The following SYNPR variants were observed in gnomAD, a reference collection of about 807,000 sequenced individuals.
The protein encoded by SYNPR is synaptoporin.
In SYNPR, 23 loss-of-function variants were observed where a neutral mutation model predicts 32.9. That is an observed-to-expected ratio of 0.70 (90% CI 0.50 to 0.99). The LOEUF is 0.99. SYNPR is among the 50% of genes least tolerant of loss of function. The pLI is 0.00. For missense variants in SYNPR, 318 were observed against 349.3 expected (o/e 0.91, Z 0.71); for synonymous variants, 146 against 135.9 (o/e 1.07, Z -0.52).
At chr3:63,202,893 G>C in the SYNPR span, among the ~76,000 whole-genome samples, 1 of 151,834 alleles carries the variant, frequency 6.6e-6, no homozygotes, top group Admixed American at 6.6e-5. Flanking sequence ...GGGTTTCTTG[G>C]AACACAGTTT....
intron 4 of SYNPR, among the ~76,000 whole-genome samples, chr3:63,585,456 C>CT (rs1553649474): frequency 9.6e-6 from 1 of 104,656 alleles, no homozygotes; most frequent in Non-Finnish European, 2.1e-5. Flanking sequence ...CATGCCCCCC[C>CT]CCTCCGCCCC....
chr3:63,443,315 C>A, intron 2 of SYNPR: 1 of 1,494,748 alleles, frequency 6.7e-7, no homozygotes, highest in Non-Finnish European at 8.9e-7. Flanking sequence ...TGATTTTCTT[C>A]TTCTCCTCCT....
chr3:63,417,928 C>T (rs566341002), intron 2 of SYNPR, among the ~76,000 whole-genome samples: 2 of 152,336 alleles, frequency 1.3e-5, no homozygotes, highest in African/African-American at 2.4e-5. Flanking sequence ...CTCTGACATA[C>T]TCTGGAGACA....
chr3:63,607,942 T>C (rs955328239), intron 4 of SYNPR, among the ~76,000 whole-genome samples: 7 of 152,234 alleles, frequency 4.6e-5, no homozygotes, highest in African/African-American at 1.2e-4. Context: ...AAGAAACACA[T>C]GCCAAATTTT....
At chr3:63,224,794 C>T (rs558231351), upstream of SYNPR, among the ~76,000 whole-genome samples, 4 of 152,312 alleles carry the variant, frequency 2.6e-5, no homozygotes, top group Admixed American at 2.6e-4. Context: ...GGCTGTCATG[C>T]CCTCCTCAGG....
intron 2 of SYNPR, among the ~76,000 whole-genome samples, chr3:63,320,957 T>G (rs939651166): frequency 6.6e-6 from 1 of 152,080 alleles, no homozygotes; most frequent in Non-Finnish European, 1.5e-5. Flanking sequence ...TGTCAATCTA[T>G]TAATTTTTGA....
At chr3:63,385,263 T>C (rs1252013698) in intron 2 of SYNPR, among the ~76,000 whole-genome samples, 1 of 152,236 alleles carries the variant, frequency 6.6e-6, no homozygotes, top group Non-Finnish European at 1.5e-5. Context: ...CCTCTTCTCC[T>C]TCCCGCCCTG....
At chr3:63,504,956 T>A (rs547388480) in intron 3 of SYNPR, among the ~76,000 whole-genome samples, 1 of 152,112 alleles carries the variant, frequency 6.6e-6, no homozygotes, top group African/African-American at 2.4e-5. Flanking sequence ...ATTTCTGAGA[T>A]GACTGAGAAA....
intron 4 of SYNPR, among the ~76,000 whole-genome samples, chr3:63,598,815 G>T (rs1247240607): frequency 1.3e-5 from 2 of 152,106 alleles, no homozygotes; most frequent in East Asian, 1.9e-4. Flanking sequence ...GTCTTCAAAG[G>T]CCTAATGTAT....
chr3:63,323,547 AT>A (rs199657935), intron 2 of SYNPR, among the ~76,000 whole-genome samples: 15 of 151,340 alleles, frequency 9.9e-5, no homozygotes, highest in African/African-American at 2.7e-4. Flanking sequence ...TCCCCAAATA[AT>A]TTTTTTTTGG....
intron 1 of SYNPR, among the ~76,000 whole-genome samples, chr3:63,247,539 C>G (rs770002310): frequency 6.6e-6 from 1 of 152,074 alleles, no homozygotes; most frequent in Non-Finnish European, 1.5e-5. Context: ...GTGTGCTGAG[C>G]TGGGCAAGGC....
chr3:63,402,263 C>T lies in SYNPR; in HGVS notation c.85-78569C>T, dbSNP rs112478418. 3.9e-3 allele frequency among the ~76,000 whole-genome samples: 590 copies of T among 152,144 alleles called. 6 individuals are homozygous for T. The highest frequency in any genetic ancestry group is 0.014 in the Middle Eastern group (4 of 294). On this transcript the variant is annotated intron_variant, in intron 2 of 5. Coordinates refer to ENST00000478300, the MANE Select transcript of SYNPR (RefSeq NM_001130003.2). ...CGGGCCTCTAAACATGAGGAGCGCT[C>T]CCTGCAAAGTGGTGACCATCAGAAA... is the stretch of plus-strand genomic sequence containing the variant.
chr3:63,381,174 C>A (rs1031472677), intron 2 of SYNPR, among the ~76,000 whole-genome samples: 1 of 152,210 alleles, frequency 6.6e-6, no homozygotes, highest in Non-Finnish European at 1.5e-5. Context: ...AGCCCAAAAT[C>A]TCCTTAAGCT....
intron 2 of SYNPR, among the ~76,000 whole-genome samples, chr3:63,412,384 T>A (rs1279743596): frequency 6.6e-6 from 1 of 152,162 alleles, no homozygotes; most frequent in Non-Finnish European, 1.5e-5. Context: ...AAATCCAGAC[T>A]CAAGCTCAAG....
At chr3:63,439,261 T>G (rs1700130300) in intron 2 of SYNPR, among the ~76,000 whole-genome samples, 1 of 152,238 alleles carries the variant, frequency 6.6e-6, no homozygotes, top group South Asian at 2.1e-4. Context: ...ATTATTTTAA[T>G]CTACTTAACC....
chr3:63,379,736 G>A (rs1347023117), intron 2 of SYNPR, among the ~76,000 whole-genome samples: 1 of 151,726 alleles, frequency 6.6e-6, no homozygotes, highest in Non-Finnish European at 1.5e-5. Flanking sequence ...TGTGCACAAG[G>A]TACAGGTTTG....
intron 2 of SYNPR, among the ~76,000 whole-genome samples, chr3:63,362,568 A>G (rs955847131): frequency 2.6e-5 from 4 of 152,180 alleles, no homozygotes; most frequent in Admixed American, 2.0e-4. Flanking sequence ...AAGTAAAGTA[A>G]CCTTTATCTT....
At chr3:63,202,720 G>A in the SYNPR span, among the ~76,000 whole-genome samples, 2 of 152,148 alleles carry the variant, frequency 1.3e-5, no homozygotes, top group African/African-American at 4.8e-5. Flanking sequence ...ACACATTTGA[G>A]CATTGGAGCT....
chr3:63,343,286 T>A (rs1457179776), intron 2 of SYNPR, among the ~76,000 whole-genome samples: 3 of 152,146 alleles, frequency 2.0e-5, no homozygotes, highest in Non-Finnish European at 4.4e-5. Flanking sequence ...GCAGGAAAAA[T>A]CATGCACAGA....
Sources: allele counts gnomAD v4.1 joint callset (sites outside exome capture counted in the v4.1 genomes callset), GRCh38; gene constraint gnomAD v4.1.1; transcripts MANE v1.5; gene names NCBI Gene and HGNC (gene_info 2026-07-23, HGNC 2026-07-21).